The following ZNF644 variants were observed in gnomAD, a reference collection of about 807,000 sequenced individuals.
The protein encoded by ZNF644 is zinc finger motif enhancer binding protein 2.
A neutral mutation model predicts 108.0 loss-of-function variants in ZNF644; 20 were observed. The ratio of observed to expected loss-of-function variants is 0.19; its 90% confidence interval spans 0.13 to 0.27. The LOEUF (loss-of-function observed/expected upper bound fraction) is 0.27, where lower values mean the gene tolerates loss of function less well. Ranked by LOEUF, ZNF644 falls within the 10% of genes least tolerant of loss-of-function variation. The probability of loss-of-function intolerance (pLI) is 1.00; values close to 1 mark genes in which losing one functional copy is unlikely to be tolerated. For missense variants in ZNF644, 1,338 were observed against 1,548.9 expected (o/e 0.86, Z 2.29); for synonymous variants, 542 against 539.1 (o/e 1.01, Z -0.08).
At chr1:90,989,496 T>G (rs1657430862) in intron 1 of ZNF644, among the ~76,000 whole-genome samples, 1 of 152,220 alleles carries the variant, frequency 6.6e-6, no homozygotes, top group South Asian at 2.1e-4. Flanking sequence ...TGAGCCATAA[T>G]TGTGCCACTG....
intron 1 of ZNF644, among the ~76,000 whole-genome samples, chr1:90,993,685 A>G (rs936726970): frequency 6.6e-6 from 1 of 152,212 alleles, no homozygotes; most frequent in Non-Finnish European, 1.5e-5. Flanking sequence ...TTTTATTAGC[A>G]GTAACTCTAC....
intron 2 of ZNF644, among the ~76,000 whole-genome samples, chr1:90,966,440 A>G (rs186274159): frequency 6.6e-6 from 1 of 152,110 alleles, no homozygotes; most frequent in Admixed American, 6.5e-5. Context: ...CCATAGGTTA[A>G]GGTCTAAATT....
intron 2 of ZNF644, among the ~76,000 whole-genome samples, chr1:90,976,503 T>C (rs1032888161): frequency 2.0e-5 from 3 of 152,232 alleles, no homozygotes; most frequent in African/African-American, 7.2e-5. Context: ...GCAAAATTCT[T>C]TGGTCTGAAG....
At chr1:91,020,900 G>A (rs1660848936) in intron 1 of ZNF644, 1 of 152,200 alleles carries the variant, frequency 6.6e-6, no homozygotes, top group East Asian at 1.9e-4. Flanking sequence ...CCCCAATTAT[G>A]TTTATCCCCT....
intron 4 of ZNF644, among the ~76,000 whole-genome samples, chr1:90,930,860 TCTA>T (rs1178723650): frequency 6.6e-6 from 1 of 152,198 alleles, no homozygotes; most frequent in African/African-American, 2.4e-5. Flanking sequence ...ATCTGACAGA[TCTA>T]CTTCCTTTAA....
intron 2 of ZNF644, among the ~76,000 whole-genome samples, chr1:90,945,859 T>C (rs539449167): frequency 8.5e-5 from 13 of 152,250 alleles, no homozygotes; most frequent in Middle Eastern, 3.4e-3. Context: ...TGCCAACCTT[T>C]GTTGTGTTGT....
intron 1 of ZNF644, among the ~76,000 whole-genome samples, chr1:91,013,445 TCTCTCTCACA>T (rs1322573390): frequency 1.3e-5 from 1 of 75,724 alleles, no homozygotes; most frequent in Non-Finnish European, 3.8e-5. Flanking sequence ...ATTTCCAATC[TCTCTCTCACA>T]CACACACACA....
At chr1:90,957,696 TTTCCCCTAA>T (rs1171950640) in intron 2 of ZNF644, among the ~76,000 whole-genome samples, 3 of 148,516 alleles carry the variant, frequency 2.0e-5, no homozygotes, top group Admixed American at 6.7e-5. Flanking sequence ...GAGACAAGTT[TTTCCCCTAA>T]TATCAGTAAA....
chr1:90,984,821 G>A (rs1656931053), intron 1 of ZNF644, among the ~76,000 whole-genome samples: 1 of 152,146 alleles, frequency 6.6e-6, no homozygotes, highest in South Asian at 2.1e-4. Context: ...CTCTAGAACT[G>A]TGAGAAAATA....
intron 1 of ZNF644, among the ~76,000 whole-genome samples, chr1:90,991,997 A>G (rs1657680078): frequency 6.6e-6 from 1 of 152,200 alleles, no homozygotes; most frequent in Admixed American, 6.5e-5. Context: ...TATATGCAAC[A>G]TGAATGAATC....
At chr1:90,919,644 A>G (rs1466648104) in intron 4 of ZNF644, among the ~76,000 whole-genome samples, 1 of 152,118 alleles carries the variant, frequency 6.6e-6, no homozygotes, top group Admixed American at 6.5e-5. Flanking sequence ...AAGTCAAGTT[A>G]GGTATTAAAG....
chr1:90,938,207 A>G lies in ZNF644; in HGVS notation c.3082+65T>C. 1 of 1,611,558 alleles carries G rather than the reference A, an allele frequency of 6.2e-7. No individual in the cohort carries two copies. ...CTAATAAAGACTAAATTCAAAAAAA[A>G]CTTTTAAATCTTCAGAATTAGAACA... On this transcript the variant is annotated intron_variant, in intron 3 of 5. Transcript: ENST00000337393. The surrounding 1 kb of genome is among the most constrained non-coding windows in gnomAD (Gnocchi z 4.2).
At position 90,940,754 on chromosome 1, in the gene ZNF644, A is replaced by G; in HGVS notation, c.600T>C (p.Val200=). 1 of 1,614,014 alleles carries G rather than the reference A, an allele frequency of 6.2e-7. No individual in the cohort carries two copies. Residue 200 remains valine (V), a synonymous_variant, in exon 3 of 6, where the codon GTT becomes GTC. Coordinates refer to ENST00000337393, the MANE Select transcript of ZNF644 (RefSeq NM_201269.3). ...SNKKLPTSAS[V]GCDIQNSVGS... ...CTACTGAATTCTGAATGTCACAACC[A>G]ACTGAAGCAGAGGTAGGTAGTTTTT...
At position 90,992,233 on chromosome 1, in the gene ZNF644, C is replaced by T. The variant is rs117221708; in HGVS notation, c.-17-9863G>A. Among the ~76,000 whole-genome samples the T allele has an allele frequency of 1.6e-4, 24 of 152,150 alleles. No individual in the cohort carries two copies. The East Asian group carries it at 2.3e-3, about 15-fold the overall frequency. On this transcript the variant is annotated intron_variant, in intron 1 of 5. Transcript: ENST00000337393. ...GAATGATTTCATAGGTATATACAGA[C>T]GTCAAATCTGTTCAAATTGTTTACT...
At chr1:90,985,932 TC>T (rs1326979093) in intron 1 of ZNF644, among the ~76,000 whole-genome samples, 1 of 152,140 alleles carries the variant, frequency 6.6e-6, no homozygotes. Flanking sequence ...ACACAAGGGC[TC>T]CCTTTCTCCA....
At chr1:90,924,648 G>T (rs1649811656) in intron 4 of ZNF644, among the ~76,000 whole-genome samples, 1 of 152,010 alleles carries the variant, frequency 6.6e-6, no homozygotes, top group South Asian at 2.1e-4. Context: ...CAAATCCATG[G>T]TCGCAATGGA....
At chr1:91,009,323 T>TA (rs544747119) in intron 1 of ZNF644, among the ~76,000 whole-genome samples, 212 of 150,658 alleles carry the variant, frequency 1.4e-3, no homozygotes, top group African/African-American at 4.5e-3. Flanking sequence ...TCCTAACTCT[T>TA]AAAAAAAAAG....
rs1275266741 is a variant in ZNF644 at position 90,941,059 on chromosome 1, C to T, written c.295G>A (p.Gly99Ser). 3 of 1,613,988 alleles carry T rather than the reference C, an allele frequency of 1.9e-6. No homozygotes were observed. Among genetic ancestry groups the T allele is most frequent in the East Asian group, 2.2e-5 (1 of 44,890 alleles). ...GGQSSLFIHA[G>S]APTVSSENFI... Reference sequence around the variant, plus strand: ...TTTTCACTAGAAACAGTAGGAGCACCAGCATGTATAAATAGACTAGACTGG... The same window carrying T: ...TTTTCACTAGAAACAGTAGGAGCACTAGCATGTATAAATAGACTAGACTGG... Residue 99 changes from glycine (G) to serine (S), a missense_variant, in exon 3 of 6, where the codon GGT becomes AGT. Transcript: ENST00000337393.
chr1:91,001,833 C>G (rs1422306818), intron 1 of ZNF644, among the ~76,000 whole-genome samples: 1 of 152,202 alleles, frequency 6.6e-6, no homozygotes, highest in East Asian at 1.9e-4. Context: ...GCAACTTCAG[C>G]AAAGTCTCAG....
Sources: allele counts gnomAD v4.1 joint callset (sites outside exome capture counted in the v4.1 genomes callset), GRCh38; gene constraint gnomAD v4.1.1; non-coding constraint Gnocchi (gnomAD v3.1); transcripts MANE v1.5; gene names NCBI Gene and HGNC (gene_info 2026-07-23, HGNC 2026-07-21).